Variants in WRN observed in about 807,000 individuals in gnomAD.
The protein encoded by WRN is WRN RecQ like helicase.
Under a neutral mutation model 180.7 loss-of-function variants are expected in WRN, and 149 were observed. That is an observed-to-expected ratio of 0.82 (90% CI 0.72 to 0.94). The LOEUF (loss-of-function observed/expected upper bound fraction) is 0.94, where lower values mean the gene tolerates loss of function less well. Ranked by LOEUF, WRN falls within the 40% of genes least tolerant of loss-of-function variation. WRN has a pLI of 0.00. For synonymous variants in WRN, 548 were observed against 568.9 expected (o/e 0.96, Z 0.52); for missense variants, 1,661 against 1,700.1 (o/e 0.98, Z 0.40).
intron 33 of WRN, among the ~76,000 whole-genome samples, chr8:31,165,989 C>T (rs528577415): frequency 5.3e-5 from 8 of 152,166 alleles, no homozygotes. Flanking sequence ...AATTAGTTAA[C>T]CCACTTACCT....
At position 31,091,749 on chromosome 8, in the gene WRN, C is replaced by A. The variant is rs563154301; in HGVS notation, c.1830-81C>A. On this transcript the variant is annotated intron_variant, in intron 15 of 34. Transcript: ENST00000298139. The stretch of plus-strand genomic sequence containing the variant: ...AACAGGAATATAAATTATTATATTT[C>A]TTTATTCTTTCTCACTTAAGAGTGA... 1.1e-4 allele frequency: 145 copies of A among 1,292,834 alleles called. No individual in the cohort carries two copies. In the South Asian group the frequency reaches 1.2e-3, roughly 11 times the overall value. The allele number at this position is 1,292,834 out of a possible 1,614,324, so 80.1% of individuals were successfully genotyped here. A position where few individuals can be genotyped will look rare whatever the true frequency, so the allele number is the denominator to read the frequency against.
rs964908471 is a variant in WRN at position 31,174,900 on chromosome 8, T to C, written c.*1798T>C. 1.2e-4 allele frequency among the ~76,000 whole-genome samples: 17 copies of C among 146,924 alleles called. No homozygotes were observed. The highest frequency in any genetic ancestry group is 4.8e-4 in the Admixed American group (7 of 14,646). On this transcript the variant is annotated 3_prime_UTR_variant, in exon 35 of 35. Coordinates refer to ENST00000298139, the MANE Select transcript of WRN (RefSeq NM_000553.6). ...TCTTTCTTTCTCTCTCTCTCTCTCT[T>C]TCTTTCTTTTTCTTTCTCTTTTTCT...
intron 26 of WRN, 139 bp from the exon 27 acceptor site, chr8:31,142,487 A>G (rs1585515945): frequency 1.2e-5 from 7 of 597,436 alleles, no homozygotes; most frequent in Non-Finnish European, 1.8e-5. Context: ...CTTTTTCTAG[A>G]AAAAAAAATC....
intron 29 of WRN, 75 bp from the exon 30 acceptor site, chr8:31,147,289 C>A: frequency 6.7e-7 from 1 of 1,499,544 alleles, no homozygotes; most frequent in Non-Finnish European, 9.3e-7. Context: ...AATGTGGTAT[C>A]TGAAGCTCTA....
At chr8:31,110,598 T>C (rs1801274455) in intron 18 of WRN, among the ~76,000 whole-genome samples, 1 of 152,184 alleles carries the variant, frequency 6.6e-6, no homozygotes, top group Non-Finnish European at 1.5e-5. Flanking sequence ...CTAGAAGTGC[T>C]TCTTTGCAAA....
rs797005024 is a variant in WRN, at chr8:31,163,338, G to A, written c.3983-3684G>A. On this transcript the variant is annotated intron_variant, in intron 33 of 34. Transcript: ENST00000298139. ...TAAATCATGTAGGCACAAAGTTATC[G>A]AACTTTAGATTTAGAAATGAAACTG... Among the ~76,000 whole-genome samples the A allele has an allele frequency of 3.9e-5, 6 of 152,254 alleles. 1 individual carries two copies. Among genetic ancestry groups the A allele is most frequent in the South Asian group, 4.1e-4 (2 of 4,826 alleles).
At chr8:31,097,786 A>AT (rs1218348835) in intron 17 of WRN, among the ~76,000 whole-genome samples, 3 of 151,320 alleles carry the variant, frequency 2.0e-5, no homozygotes, top group Admixed American at 6.6e-5. Context: ...CTCAAAAAAA[A>AT]TTTTTTTTTC....
At chr8:31,172,890 A>G in intron 34 of WRN, 105 bp from the exon 35 acceptor site, 2 of 903,728 alleles carry the variant, frequency 2.2e-6, no homozygotes, top group Non-Finnish European at 3.5e-6. Context: ...TGGATGGGGG[A>G]GAAAGGATGG....
At chr8:31,117,362 A>T (rs1321565230) in intron 20 of WRN, among the ~76,000 whole-genome samples, 1 of 152,150 alleles carries the variant, frequency 6.6e-6, no homozygotes, top group East Asian at 1.9e-4. Flanking sequence ...AGATAATAGG[A>T]TTATAGAAAC....
intron 18 of WRN, among the ~76,000 whole-genome samples, chr8:31,105,617 T>G (rs986619610): frequency 6.6e-6 from 1 of 152,144 alleles, no homozygotes; most frequent in African/African-American, 2.4e-5. Context: ...CGTGCCACCA[T>G]GCCTAGCTAA....
rs1234044619 is a variant in WRN, at chr8:31,040,828, TTTC to T, written c.-77+6864_-77+6866del. 8.5e-5 allele frequency among the ~76,000 whole-genome samples: 13 copies of T among 152,332 alleles called. No homozygotes were observed. The East Asian group carries it at 1.7e-3, about 20-fold the overall frequency. ...CAGTTAGCCAAAAGTTGAGTTTTTT[TTTC>T]TTCTTCTTTTTTTTAGTTGGAAAAA... On this transcript the variant is annotated intron_variant, in intron 1 of 34. Coordinates refer to ENST00000298139, the MANE Select transcript of WRN (RefSeq NM_000553.6).
chr8:31,099,852 A>G (rs11574269), intron 17 of WRN, among the ~76,000 whole-genome samples: 1 of 152,198 alleles, frequency 6.6e-6, no homozygotes, highest in East Asian at 1.9e-4. Context: ...TAGAGCATCT[A>G]GAAAATGTTA....
At chr8:31,120,734 A>G (rs1404053055) in intron 21 of WRN, among the ~76,000 whole-genome samples, 1 of 151,956 alleles carries the variant, frequency 6.6e-6, no homozygotes, top group Non-Finnish European at 1.5e-5. Context: ...ACCATTGTGC[A>G]TTAATGAACA....
chr8:31,096,212 T>C (rs2725387), intron 16 of WRN, among the ~76,000 whole-genome samples: 241 of 152,350 alleles, frequency 1.6e-3, no homozygotes, highest in Non-Finnish European at 3.1e-3. Context: ...CTTAAACTTA[T>C]CTGTTGAATG....
chr8:31,127,836 A>C (rs1374416771), intron 23 of WRN, among the ~76,000 whole-genome samples: 1 of 152,164 alleles, frequency 6.6e-6, no homozygotes, highest in Non-Finnish European at 1.5e-5. Flanking sequence ...AGGTGGAAAG[A>C]TCGCTTGAGC....
chr8:31,164,886 G>A (rs1244721946), intron 33 of WRN, among the ~76,000 whole-genome samples: 1 of 152,140 alleles, frequency 6.6e-6, no homozygotes, highest in East Asian at 1.9e-4. Flanking sequence ...AGCAGAGTAA[G>A]ATGCACCTGT....
intron 7 of WRN, among the ~76,000 whole-genome samples, chr8:31,075,148 A>G (rs966354685): frequency 2.0e-5 from 3 of 152,178 alleles, no homozygotes; most frequent in Non-Finnish European, 4.4e-5. Context: ...TAGTTAATGA[A>G]TCAGGCACTA....
At chr8:31,129,332 A>G (rs1047182181) in intron 23 of WRN, among the ~76,000 whole-genome samples, 2 of 152,190 alleles carry the variant, frequency 1.3e-5, no homozygotes, top group African/African-American at 4.8e-5. Flanking sequence ...CCTTTTGTTT[A>G]TGTGTTATGT....
At chr8:31,141,820 G>T in intron 26 of WRN, 45 bp downstream of exon 26, 1 of 1,564,056 alleles carries the variant, frequency 6.4e-7, no homozygotes, top group Non-Finnish European at 8.8e-7. Flanking sequence ...ATTTTTTGTT[G>T]CTATTTATGT....
Sources: allele counts gnomAD v4.1 joint callset (sites outside exome capture counted in the v4.1 genomes callset), GRCh38; gene constraint gnomAD v4.1.1; transcripts MANE v1.5; gene names NCBI Gene and HGNC (gene_info 2026-07-23, HGNC 2026-07-21).